The following EVL variants were observed in gnomAD, a reference collection of about 807,000 sequenced individuals.
EVL encodes the protein Enah/Vasp-like.
EVL carries 21 observed loss-of-function variants against 59.6 expected under a neutral mutation model. The observed-to-expected ratio is 0.35, with a 90% CI of 0.25 to 0.51. The LOEUF (loss-of-function observed/expected upper bound fraction) is 0.51, where lower values mean the gene tolerates loss of function less well. Among genes scored for constraint, EVL ranks in the 20% least tolerant of loss-of-function variants. The pLI is 0.97. For missense variants in EVL, 462 were observed against 546.6 expected, an observed-to-expected ratio of 0.85 and a Z score of 1.54; for synonymous variants, 198 against 203.5, an observed-to-expected ratio of 0.97 and a Z score of 0.23.
intron 1 of EVL, among the ~76,000 whole-genome samples, chr14:100,027,679 A>G (rs67387614): frequency 0.041 from 6,216 of 151,690 alleles, 184 homozygotes; most frequent in African/African-American, 0.071. Context: ...GTTGATTTGT[A>G]TCTTTTTTTT....
intron 1 of EVL, among the ~76,000 whole-genome samples, chr14:100,014,703 G>A (rs1283794087): frequency 9.2e-5 from 14 of 152,194 alleles, no homozygotes; most frequent in Admixed American, 9.2e-4. Context: ...TGAGTTGTGG[G>A]TTTTTTAACT....
rs777614006 is a variant in EVL at position 100,129,545 on chromosome 14, G to A, written c.718-18G>A. 10 of 1,612,738 alleles carry A rather than the reference G, an allele frequency of 6.2e-6. No individual in the cohort carries two copies. Among genetic ancestry groups the A allele is most frequent in the Middle Eastern group, 1.6e-4 (1 of 6,080 alleles). ...CCATCAGCAGCAGAATCTAAAACGC[G>A]GCCTCCTTTTTCCTCAGCCAGAAGA... is the stretch of plus-strand genomic sequence containing the variant. On this transcript the variant is annotated intron_variant, in intron 6 of 13. Transcript: ENST00000392920.
At chr14:99,985,037 A>AC (rs2140173354) in intron 1 of EVL, among the ~76,000 whole-genome samples, 1 of 152,244 alleles carries the variant, frequency 6.6e-6, no homozygotes, top group East Asian at 1.9e-4. Flanking sequence ...AACAACGTTA[A>AC]GTTGTTATAT....
chr14:100,046,755 T>C (rs759141424), intron 1 of EVL, among the ~76,000 whole-genome samples: 290 of 136,028 alleles, frequency 2.1e-3, no homozygotes, highest in Non-Finnish European at 3.6e-3. Context: ...TTTTCTTTCT[T>C]TTTTTTTTTT....
chr14:100,100,911 G>C (rs549522503), intron 3 of EVL, among the ~76,000 whole-genome samples: 1 of 152,168 alleles, frequency 6.6e-6, no homozygotes, highest in Non-Finnish European at 1.5e-5. Flanking sequence ...TAAACATGTT[G>C]GTTGTCCCCA....
intron 1 of EVL, among the ~76,000 whole-genome samples, chr14:100,026,569 A>G (rs1315267513): frequency 6.6e-6 from 1 of 152,120 alleles, no homozygotes; most frequent in Non-Finnish European, 1.5e-5. Context: ...AACTTCTAGA[A>G]AAGGAGCAGA....
rs147995766 is a variant in EVL, at chr14:100,044,309, T to C, written c.6-40378T>C. Reference sequence around the variant, plus strand: ...TAGTTGCCTTGGGAGGAAGCTAAGATGGGAAGGGAGATAGTCCCTATATTT... The same window carrying C: ...TAGTTGCCTTGGGAGGAAGCTAAGACGGGAAGGGAGATAGTCCCTATATTT... On this transcript the variant is annotated intron_variant, in intron 1 of 13. Transcript: ENST00000402714. Among the ~76,000 whole-genome samples, 124 of 152,294 alleles carry C rather than the reference T, an allele frequency of 8.1e-4. No individual in the cohort carries two copies. In the South Asian group the frequency reaches 0.011, roughly 13 times the overall value.
upstream of EVL, chr14:100,065,356 C>T (rs1418518077): frequency 3.5e-6 from 3 of 857,290 alleles, no homozygotes; most frequent in Non-Finnish European, 4.7e-6. Context: ...GTCTCTGGTT[C>T]AGCTTCCTTT....
intron 1 of EVL, among the ~76,000 whole-genome samples, chr14:99,990,915 T>A (rs2060871586): frequency 6.6e-6 from 1 of 152,280 alleles, no homozygotes; most frequent in South Asian, 2.1e-4. Context: ...GGGGTGTGTA[T>A]GTGTGTGTAC....
chr14:99,992,489 A>G (rs1162119037), intron 1 of EVL, among the ~76,000 whole-genome samples: 2 of 152,146 alleles, frequency 1.3e-5, no homozygotes, highest in African/African-American at 4.8e-5. Context: ...TTGGTATTAT[A>G]TTCAGGACAT....
At chr14:100,012,008 A>G (rs1304374776) in intron 1 of EVL, among the ~76,000 whole-genome samples, 2 of 152,234 alleles carry the variant, frequency 1.3e-5, no homozygotes, top group African/African-American at 4.8e-5. Flanking sequence ...ATGCTGACAG[A>G]TAAAGTGTTT....
chr14:100,080,218 G>A (rs554706589), intron 1 of EVL, among the ~76,000 whole-genome samples: 4 of 152,166 alleles, frequency 2.6e-5, no homozygotes, highest in Non-Finnish European at 4.4e-5. Context: ...AACAATAGCT[G>A]ATGAGCTTTT....
chr14:100,025,075 C>T lies in EVL; in HGVS notation c.5+53018C>T, dbSNP rs143361219. Among the ~76,000 whole-genome samples, 62 of 152,288 alleles carry T rather than the reference C, an allele frequency of 4.1e-4. 1 individual carries two copies. The highest frequency in any genetic ancestry group is 6.8e-3 in the Middle Eastern group (2 of 294). ...GCTGCAGTAGCATTGTAACTGCCCT[C>T]CAAGCTTTCTGCCCTGTTCTCTAGT... On this transcript the variant is annotated intron_variant, in intron 1 of 13. Coordinates refer to the EVL transcript ENST00000402714.
Position 100,091,543 on chromosome 14 carries a change from G to C in EVL, c.181-5938G>C, listed in dbSNP as rs540573432. 3.2e-4 allele frequency among the ~76,000 whole-genome samples: 49 copies of C among 152,320 alleles called. No homozygotes were observed. In the East Asian group the frequency reaches 5.8e-3, roughly 18 times the overall value. ...GCTGACCTGGTGGAGGTTCCTGGAGGGGGGGCAGGCCTAGGGAGAGCGGAG... is the reference window on the plus strand; with the variant it reads ...GCTGACCTGGTGGAGGTTCCTGGAGCGGGGGCAGGCCTAGGGAGAGCGGAG... On this transcript the variant is annotated intron_variant, in intron 2 of 13. Transcript: ENST00000392920.
chr14:100,055,719 T>G (rs1435218172), intron 1 of EVL, among the ~76,000 whole-genome samples: 2 of 152,264 alleles, frequency 1.3e-5, no homozygotes, highest in Non-Finnish European at 2.9e-5. Context: ...TAGAATTGTC[T>G]GTCTCTGCTG....
chr14:99,992,101 C>G (rs548485419), intron 1 of EVL, among the ~76,000 whole-genome samples: 1 of 152,248 alleles, frequency 6.6e-6, no homozygotes, highest in African/African-American at 2.4e-5. Flanking sequence ...AGTTTCTCTG[C>G]ATCCTTGCCA....
chr14:99,976,684 C>T (rs562880899), intron 1 of EVL, among the ~76,000 whole-genome samples: 3 of 152,246 alleles, frequency 2.0e-5, no homozygotes, highest in South Asian at 2.1e-4. Context: ...ATTGGCGTTG[C>T]CTTCAGTACA....
At chr14:100,005,015 AATC>A (rs1415631965) in intron 1 of EVL, among the ~76,000 whole-genome samples, 1 of 152,322 alleles carries the variant, frequency 6.6e-6, no homozygotes, top group South Asian at 2.1e-4. Context: ...ATTTTATTCT[AATC>A]ATTTACCTAG....
At chr14:100,029,820 CAG>C (rs1566975457) in intron 1 of EVL, among the ~76,000 whole-genome samples, 2 of 152,104 alleles carry the variant, frequency 1.3e-5, no homozygotes. Context: ...GCTGTCTTCT[CAG>C]GGTATAACCC....
Sources: allele counts gnomAD v4.1 joint callset (sites outside exome capture counted in the v4.1 genomes callset), GRCh38; gene constraint gnomAD v4.1.1; transcripts MANE v1.5; gene names NCBI Gene and HGNC (gene_info 2026-07-23, HGNC 2026-07-21).